EP400: variants seen among roughly 807,000 people sequenced by gnomAD.
The protein encoded by EP400 is E1A binding protein p400.
EP400 carries 105 observed loss-of-function variants against 354.1 expected under a neutral mutation model. The ratio of observed to expected loss-of-function variants is 0.30; its 90% confidence interval spans 0.25 to 0.35. The LOEUF (loss-of-function observed/expected upper bound fraction) is 0.35. EP400 is among the 10% of genes least tolerant of loss of function. EP400 has a pLI of 1.00. For missense variants in EP400, 3,280 were observed against 4,121.0 expected, an observed-to-expected ratio of 0.80 and a Z score of 5.59; for synonymous variants, 1,646 against 1,716.9, an observed-to-expected ratio of 0.96 and a Z score of 1.02.
At chr12:132,069,739 G>T in intron 51 of EP400, 98 bp downstream of exon 51, 1 of 1,537,572 alleles carries the variant, frequency 6.5e-7, no homozygotes, top group East Asian at 2.3e-5. Flanking sequence ...AGCCCTTGCG[G>T]CTGCACTGGG....
chr12:132,019,956 A>G lies in EP400; in HGVS notation c.4278-93A>G, dbSNP rs111518940. 4.9e-4 allele frequency: 664 copies of G among 1,343,796 alleles called. 6 individuals carry two copies. In the African/African-American group the frequency reaches 7.9e-3, roughly 16 times the overall value. The allele number at this position is 1,343,796 out of a possible 1,614,324, so 83.2% of individuals were successfully genotyped here. On this transcript the variant is annotated intron_variant, in intron 21 of 52. Transcript: ENST00000389561. Reference sequence around the variant, plus strand: ...GTGCTGGTCCCTGAGCTGGCTTCCTATGGGCAGCGGTGAACCCCGGCTCCA... The same window carrying G: ...GTGCTGGTCCCTGAGCTGGCTTCCTGTGGGCAGCGGTGAACCCCGGCTCCA...
chr12:132,077,022 CT>C (rs1409329707), intron 52 of EP400, among the ~76,000 whole-genome samples: 3 of 152,248 alleles, frequency 2.0e-5, no homozygotes, highest in African/African-American at 7.2e-5. Flanking sequence ...CAATATGACT[CT>C]TTAGCACAGT....
Position 132,075,867 on chromosome 12 carries a change from T to C in EP400, c.9022-649T>C, listed in dbSNP as rs939139263. 2.6e-5 allele frequency: 4 copies of C among 155,500 alleles called. No individual in the cohort carries two copies. The highest frequency in any genetic ancestry group is 9.6e-5 in the African/African-American group (4 of 41,462). The allele number at this position is 155,500 out of a possible 1,614,324, so 9.6% of individuals were successfully genotyped here. A position where few individuals can be genotyped will look rare whatever the true frequency, so the allele number is the denominator to read the frequency against. On this transcript the variant is annotated intron_variant, in intron 51 of 52. Transcript: ENST00000389561. This position sits in a 1 kb window ranked among gnomAD's most constrained non-coding sequence, Gnocchi z 4.5. ...CAGCTGCCCACGCTGGAGCCTCTCT[T>C]GTGTTCTGGGTGCACGCCATGACGG...
In EP400 at chr12:132,052,967, G is replaced by T. The variant is rs1895353744; in HGVS notation, c.7395-179G>T. 6.6e-6 allele frequency among the ~76,000 whole-genome samples: 1 copy of T among 152,112 alleles called. No homozygotes were observed. Among genetic ancestry groups the T allele is most frequent in the African/African-American group, 2.4e-5 (1 of 41,414 alleles). ...AAGGAAGAGGACTCAGCGCCAGGCT[G>T]AGGATGAGGTCTAGGTGGCTCGATC... is the stretch of plus-strand genomic sequence containing the variant. On this transcript the variant is annotated intron_variant, in intron 41 of 52. Transcript: ENST00000389561. This position sits in a 1 kb window ranked among gnomAD's most constrained non-coding sequence, Gnocchi z 4.4.
chr12:132,005,674 AC>A (rs748944800), intron 13 of EP400, among the ~76,000 whole-genome samples: 67 of 152,214 alleles, frequency 4.4e-4, no homozygotes, highest in Admixed American at 7.8e-4. Flanking sequence ...ACCAGACCCC[AC>A]GCTGCCAGCA....
chr12:131,952,768 TGAG>T (rs368604066), intron 1 of EP400, among the ~76,000 whole-genome samples: 246 of 152,340 alleles, frequency 1.6e-3, no homozygotes, highest in African/African-American at 5.7e-3. Flanking sequence ...TTTTTATTGT[TGAG>T]GAGTACTCCT....
chr12:132,013,440 C>T lies in EP400; in HGVS notation c.3612-50C>T. The stretch of plus-strand genomic sequence containing the variant: ...ATTGTCAGAGAAGATGCTGCTGCAG[C>T]CAGCCCCGTGGCTGTAGAACTCCAG... On this transcript the variant is annotated intron_variant, in intron 17 of 52. Transcript: ENST00000389561. This position sits in a 1 kb window ranked among gnomAD's most constrained non-coding sequence, Gnocchi z 4.5. 1 of 1,516,688 alleles carries T rather than the reference C, an allele frequency of 6.6e-7. No individual in the cohort carries two copies. Among genetic ancestry groups the T allele is most frequent in the Non-Finnish European group, 8.8e-7 (1 of 1,132,086 alleles). The allele number at this position is 1,516,688 out of a possible 1,614,324, so 94.0% of individuals were successfully genotyped here.
intron 52 of EP400, 90 bp from the exon 53 acceptor site, chr12:132,077,311 C>T (rs947555459): frequency 5.4e-6 from 8 of 1,490,918 alleles, no homozygotes; most frequent in East Asian, 2.3e-5. Flanking sequence ...TGAAGTTTCT[C>T]GAGTCCTCCC....
intron 15 of EP400, among the ~76,000 whole-genome samples, chr12:132,008,834 G>GGT (rs1488833011): frequency 6.6e-6 from 1 of 150,750 alleles, no homozygotes; most frequent in Non-Finnish European, 1.5e-5. Context: ...TGCCCAGGCT[G>GGT]GTCTGGAACT....
At chr12:131,998,125 ATTC>A (rs1197851900) in intron 12 of EP400, among the ~76,000 whole-genome samples, 9 of 152,068 alleles carry the variant, frequency 5.9e-5, no homozygotes, top group Admixed American at 6.6e-5. Context: ...TGGGATCTTT[ATTC>A]TTTTATTGGC....
chr12:132,056,647 A>G (rs965519947), intron 45 of EP400, among the ~76,000 whole-genome samples: 1 of 152,206 alleles, frequency 6.6e-6, no homozygotes, highest in Non-Finnish European at 1.5e-5. Context: ...AAGCCAAAAC[A>G]GTAGCATTTC....
At chr12:132,055,431 ATGTGTG>A (rs137860664) in intron 45 of EP400, among the ~76,000 whole-genome samples, 1 of 144,448 alleles carries the variant, frequency 6.9e-6, no homozygotes, top group Non-Finnish European at 1.5e-5. Context: ...GAGGTGGGGT[ATGTGTG>A]TGTGTGTGTG....
At chr12:131,969,752 A>G (rs1033596283) in intron 2 of EP400, among the ~76,000 whole-genome samples, 5 of 152,188 alleles carry the variant, frequency 3.3e-5, no homozygotes, top group Non-Finnish European at 7.3e-5. Context: ...GTTTTATACA[A>G]TTGAAGATAA....
At chr12:131,981,713 G>T in intron 4 of EP400, 117 bp downstream of exon 4, 1 of 811,466 alleles carries the variant, frequency 1.2e-6, no homozygotes, top group Non-Finnish European at 2.0e-6. Context: ...GCAGTGGGGT[G>T]CCTGAAATTG....
Position 132,038,226 on chromosome 12 carries a change from T to C in EP400, c.6207+130T>C, listed in dbSNP as rs1211324114. On this transcript the variant is annotated intron_variant, in intron 32 of 52. Transcript: ENST00000389561. This position sits in a 1 kb window ranked among gnomAD's most constrained non-coding sequence, Gnocchi z 4.2. ...CCTGAAGCCCTCTTCCCGTCCCTGC[T>C]TTTGGAACCTCCCCACTCCCTTCTT... 8.8e-7 allele frequency: 1 copy of C among 1,137,106 alleles called. No homozygotes were observed. Among genetic ancestry groups the C allele is most frequent in the Non-Finnish European group, 1.2e-6 (1 of 810,596 alleles). The allele number at this position is 1,137,106 out of a possible 1,614,324, so 70.4% of individuals were successfully genotyped here.
chr12:131,987,312 C>T (rs1892886276), intron 6 of EP400, among the ~76,000 whole-genome samples: 1 of 152,218 alleles, frequency 6.6e-6, no homozygotes, highest in Non-Finnish European at 1.5e-5. Flanking sequence ...TCACAGTGAT[C>T]AGTATGCAGC....
At position 132,038,565 on chromosome 12, in the gene EP400, G is replaced by A. The variant is rs928436131; in HGVS notation, c.6207+469G>A. ...TATAAGAAAGAACACAGACTATCAC[G>A]TTGATACTTTTGAGTGTTGACTACA... On this transcript the variant is annotated intron_variant, in intron 32 of 52. Coordinates refer to ENST00000389561, the MANE Select transcript of EP400 (RefSeq NM_015409.5). This position sits in a 1 kb window ranked among gnomAD's most constrained non-coding sequence, Gnocchi z 4.2. Among the ~76,000 whole-genome samples, 39 of 152,344 alleles carry A rather than the reference G, an allele frequency of 2.6e-4. No individual in the cohort carries two copies. Among genetic ancestry groups the A allele is most frequent in the African/African-American group, 7.9e-4 (33 of 41,576 alleles).
At chr12:132,001,406 C>G (rs1008558714) in intron 12 of EP400, among the ~76,000 whole-genome samples, 1 of 152,224 alleles carries the variant, frequency 6.6e-6, no homozygotes. Flanking sequence ...TTAGTACTTT[C>G]ACTAATTTTG....
chr12:131,998,458 A>G (rs1893289517), intron 12 of EP400, among the ~76,000 whole-genome samples: 1 of 152,222 alleles, frequency 6.6e-6, no homozygotes, highest in South Asian at 2.1e-4. Context: ...GCTTTCCATA[A>G]AATTTCATGA....
Sources: gnomAD v4.1 joint callset for allele counts (sites outside exome capture counted in the v4.1 genomes callset) on GRCh38, gnomAD v4.1.1 for gene constraint, Gnocchi (gnomAD v3.1) non-coding constraint, MANE v1.5 for transcripts, NCBI Gene and HGNC (gene_info 2026-07-23, HGNC 2026-07-21) for gene names.